DCHS1: variants seen among roughly 807,000 people sequenced by gnomAD.
The protein encoded by DCHS1 is protocadherin-16.
A neutral mutation model predicts 213.9 loss-of-function variants in DCHS1; 78 were observed. That is an observed-to-expected ratio of 0.36 (90% CI 0.30 to 0.44). The LOEUF is 0.44. Ranked by LOEUF, DCHS1 falls within the 20% of genes least tolerant of loss-of-function variation. The probability of loss-of-function intolerance (pLI) is 1.00; values close to 1 mark genes in which losing one functional copy is unlikely to be tolerated. For missense variants in DCHS1, 3,946 were observed against 4,395.9 expected (o/e 0.90, Z 2.89); for synonymous variants, 1,828 against 1,873.7 (o/e 0.98, Z 0.63).
chr11:6,634,187 G>A lies in DCHS1; in HGVS notation c.1917C>T (p.Cys639=). ...FRIDAHSGDV[C]TTRTLDRDQG... Reference sequence around the variant, plus strand: ...GGTCACGGTCCAGGGTCCGGGTTGTGCACACATCACCGCTGTGGGCATCAA... The same window carrying A: ...GGTCACGGTCCAGGGTCCGGGTTGTACACACATCACCGCTGTGGGCATCAA... The change falls in exon 3 of 21, where the codon TGC becomes TGT. Residue 639 remains cysteine, a synonymous_variant. Coordinates refer to ENST00000299441, the MANE Select transcript of DCHS1 (RefSeq NM_003737.4). 6.2e-7 allele frequency: 1 copy of A among 1,613,846 alleles called. No homozygotes were observed. The highest frequency in any genetic ancestry group is 1.3e-5 in the African/African-American group (1 of 75,036).
chr11:6,646,487 C>T (rs944951453), intron 1 of DCHS1, among the ~76,000 whole-genome samples: 1 of 152,174 alleles, frequency 6.6e-6, no homozygotes, highest in African/African-American at 2.4e-5. Context: ...GCTCCTCCTC[C>T]CTGCTCTTGT....
rs1855709221 is a variant in DCHS1, at chr11:6,622,329, G to A, written c.9347C>T (p.Ala3116Val). Residue 3116 changes from alanine to valine, a missense_variant, in exon 21 of 21, where the codon GCC (alanine) becomes GTC (valine). Ala to Val is a moderately conservative substitution (Grantham distance 64). This residue lies in a region of DCHS1 where 554 missense variants were observed against 590.2 expected (regional missense o/e 0.94). Coordinates refer to ENST00000299441, the MANE Select transcript of DCHS1 (RefSeq NM_003737.4). The surrounding 1 kb of genome is among the most constrained non-coding windows in gnomAD (Gnocchi z 5.4). ...LYREEGPPAT[A>V]TAFLGGCGLS... ...GCCACAGCCCCCCAGGAAGGCTGTG[G>A]CAGTGGCTGGGGGCCCCTCCTCTCT... The A allele has an allele frequency of 6.2e-7, 1 of 1,603,986 alleles. No individual in the cohort carries two copies. Among genetic ancestry groups the A allele is most frequent in the Middle Eastern group, 1.7e-4 (1 of 5,990 alleles).
At chr11:6,651,802 C>G (rs1050857091) in intron 1 of DCHS1, among the ~76,000 whole-genome samples, 5 of 152,106 alleles carry the variant, frequency 3.3e-5, no homozygotes, top group South Asian at 2.1e-4. Context: ...TTCTGGGATT[C>G]CAGCTTGCAA....
At chr11:6,637,607 G>A (rs1432557101) in intron 2 of DCHS1, among the ~76,000 whole-genome samples, 1 of 151,718 alleles carries the variant, frequency 6.6e-6, no homozygotes, top group Non-Finnish European at 1.5e-5. Flanking sequence ...CCACACCTCT[G>A]TGCACCTCAC....
rs752942096 is a variant in DCHS1, at chr11:6,626,967, G to A, written c.6072C>T (p.Arg2024=). 1 of 1,613,742 alleles carries A rather than the reference G, an allele frequency of 6.2e-7. No homozygotes were observed. Among genetic ancestry groups the A allele is most frequent in the South Asian group, 1.1e-5 (1 of 91,078 alleles). ...CTCGGGGGCCTAGAGCTACAGGAGA[G>A]CGGGCCACGCGGATTTCACCAGTGT... is the stretch of plus-strand genomic sequence containing the variant. ...DSYTGEIRVA[R]SPVALGPRDR... is the part of the protein sequence containing the mutation. The change falls in exon 14 of 21, where the codon CGC becomes CGT. Residue 2024 remains arginine, a synonymous_variant. Transcript: ENST00000299441. The surrounding 1 kb of genome is among the most constrained non-coding windows in gnomAD (Gnocchi z 5.2).
At position 6,626,106 on chromosome 11, in the gene DCHS1, C is replaced by A. The variant is rs1318208355; in HGVS notation, c.6577-32G>T. On this transcript the variant is annotated intron_variant, in intron 16 of 20. Transcript: ENST00000299441. This position sits in a 1 kb window ranked among gnomAD's most constrained non-coding sequence, Gnocchi z 5.2. ...AGGGTAGGAGGCTGCTGGGACTGGT[C>A]TGGCCACAGACAAGTCTGACTAGCC... The A allele has an allele frequency of 2.5e-6, 4 of 1,600,532 alleles. No homozygotes were observed. The African/African-American group carries it at 4.0e-5, about 16-fold the overall frequency.
In DCHS1 at chr11:6,640,136, A is replaced by G; in HGVS notation, c.1478T>C (p.Val493Ala). ...PEVALPGSFV[V>A]RVTARDPDQG... is the part of the protein sequence containing the mutation. ...GTCAGGATCCCGAGCAGTCACCCGC[A>G]CTACAAAGCTGCCAGGCAGCGCAAC... Residue 493 changes from valine (V) to alanine (A), a missense_variant, in exon 2 of 21, where the codon GTG becomes GCG. Val to Ala is a moderately conservative substitution (Grantham distance 64). This residue lies in a region of DCHS1 where 3,384 missense variants were observed against 3,780.1 expected (regional missense o/e 0.90). Transcript: ENST00000299441. The surrounding 1 kb of genome is among the most constrained non-coding windows in gnomAD (Gnocchi z 6.5). The G allele has an allele frequency of 6.2e-7, 1 of 1,613,750 alleles. No homozygotes were observed. The highest frequency in any genetic ancestry group is 1.3e-5 in the African/African-American group (1 of 75,066).
chr11:6,651,859 G>A (rs1856247048), intron 1 of DCHS1, among the ~76,000 whole-genome samples: 1 of 152,108 alleles, frequency 6.6e-6, no homozygotes, highest in Non-Finnish European at 1.5e-5. Flanking sequence ...GATGAGATCA[G>A]GTTTGCACAT....
rs773823269 is a variant in DCHS1 at position 6,640,682 on chromosome 11, G to A, written c.932C>T (p.Thr311Met). 22 of 1,613,300 alleles carry A rather than the reference G, an allele frequency of 1.4e-5. No individual in the cohort carries two copies. Among genetic ancestry groups the A allele is most frequent in the Middle Eastern group, 1.6e-4 (1 of 6,084 alleles). ...GDGPFSIDAH[T>M]GLLQLERPLD... ...TGGCCGCTCTAACTGCAGCAGCCCC[G>A]TGTGTGCGTCGATGGAGAAGGGTCC... is the stretch of plus-strand genomic sequence containing the variant. The change falls in exon 2 of 21, where the codon ACG becomes ATG. Residue 311 changes from threonine to methionine, a missense_variant. Thr to Met is a moderately conservative substitution (Grantham distance 81, BLOSUM62 -1). This residue lies in a region of DCHS1 where 3,384 missense variants were observed against 3,780.1 expected (regional missense o/e 0.90). Coordinates refer to ENST00000299441, the MANE Select transcript of DCHS1 (RefSeq NM_003737.4). The surrounding 1 kb of genome is among the most constrained non-coding windows in gnomAD (Gnocchi z 6.5).
At chr11:6,624,966 G>A (rs1181859764) in intron 19 of DCHS1, 98 bp from the exon 20 acceptor site, 18 of 1,534,792 alleles carry the variant, frequency 1.2e-5, no homozygotes, top group Middle Eastern at 2.0e-4. Flanking sequence ...CCTGCTTGGC[G>A]TCTATTCCAA....
At position 6,630,771 on chromosome 11, in the gene DCHS1, T is replaced by G. The variant is rs773703591; in HGVS notation, c.4023A>C (p.Ala1341=). ...GAGAGCCGGGCCGCAGTCCCTCAGC[T>G]GCTGTCACCGTCAGCACGACAGGCA... ...APVPVVLTVT[A]AEGLRPGSLL... is the part of the protein sequence containing the mutation. The change falls in exon 10 of 21, where the codon GCA becomes GCC. Residue 1341 remains alanine, a synonymous_variant. Coordinates refer to ENST00000299441, the MANE Select transcript of DCHS1 (RefSeq NM_003737.4). 5 of 1,547,276 alleles carry G rather than the reference T, an allele frequency of 3.2e-6. No homozygotes were observed. In the East Asian group the frequency reaches 7.3e-5, roughly 23 times the overall value.
Position 6,631,679 on chromosome 11 carries a change from G to C in DCHS1, c.3612C>G (p.Leu1204=). 1 of 1,609,072 alleles carries C rather than the reference G, an allele frequency of 6.2e-7. No individual in the cohort carries two copies. The highest frequency in any genetic ancestry group is 8.5e-7 in the Non-Finnish European group (1 of 1,177,544). Residue 1204 remains leucine, a synonymous_variant, in exon 7 of 21, where the codon CTC becomes CTG. Coordinates refer to ENST00000299441, the MANE Select transcript of DCHS1 (RefSeq NM_003737.4). The part of the protein sequence containing the change: ...TGTVHVAVLD[L]NDNSPTFLQA... ...GCAGGAACGTGGGGCTGTTGTCGTTGAGGTCAAGCACTGCAACATGCACAG... is the reference window on the plus strand; with the variant it reads ...GCAGGAACGTGGGGCTGTTGTCGTTCAGGTCAAGCACTGCAACATGCACAG...
intron 1 of DCHS1, among the ~76,000 whole-genome samples, chr11:6,655,018 T>A (rs569419276): frequency 4.6e-5 from 7 of 152,238 alleles, no homozygotes; most frequent in African/African-American, 1.7e-4. Context: ...CTTCAGGCTG[T>A]GCCTGCCTCT....
In DCHS1 at chr11:6,632,559, G is replaced by A. The variant is rs138631004; in HGVS notation, c.2953C>T (p.Arg985Trp). 1,821 of 1,518,608 alleles carry A rather than the reference G, an allele frequency of 1.2e-3. 9 individuals are homozygous for A. In the African/African-American group the frequency reaches 0.02, roughly 17 times the overall value. 94.1% of individuals were successfully genotyped at this position (1,518,608 alleles called of 1,614,324 possible). Residue 985 changes from arginine to tryptophan, a missense_variant, in exon 6 of 21, where the codon CGG becomes TGG. By Grantham distance (101) the Arg-to-Trp change is moderately radical. Around this residue, in one of 3 missense-constraint regions of DCHS1, gnomAD observed 3,384 missense variants for 3,780.1 expected, o/e 0.90. Transcript: ENST00000299441. The surrounding 1 kb of genome is among the most constrained non-coding windows in gnomAD (Gnocchi z 5.9). ...SPPRTSHFRL[R>W]VVVQDVGTRG... ...GTTCCCACATCCTGTACCACCACCC[G>A]TAGTCGAAAGTGGCTGGTGCGTGGT... is the stretch of plus-strand genomic sequence containing the variant.
Position 6,623,838 on chromosome 11 carries a change from T to C in DCHS1, c.7838A>G (p.Glu2613Gly). The part of the protein sequence containing the change: ...TRASYRVTVP[E>G]DTPVGAELLH... ...CAGCTCAGCTCCAACAGGTGTGTCC[T>C]CAGGTACTGTCACACGGTAGGATGC... The change falls in exon 21 of 21, where the codon GAG becomes GGG. Residue 2613 changes from glutamate (E) to glycine (G), a missense_variant. By Grantham distance (98) the Glu-to-Gly change is moderately conservative. Transcript: ENST00000299441. The C allele has an allele frequency of 1.2e-6, 2 of 1,612,792 alleles. No individual in the cohort carries two copies. The highest frequency in any genetic ancestry group is 1.7e-6 in the Non-Finnish European group (2 of 1,178,898).
Position 6,655,625 on chromosome 11 carries a change from CG to C in DCHS1, c.-184del. On this transcript the variant is annotated 5_prime_UTR_variant, in exon 1 of 21. It removes the in-frame stop codon of an upstream open reading frame in the 5' UTR. Coordinates refer to ENST00000299441, the MANE Select transcript of DCHS1 (RefSeq NM_003737.4). ...CGCCGTCCGGCCGCGGTCAGCCCCC[CG>C]GGCAGCGCCCGCTCGCGCGGGGCCT... is the stretch of plus-strand genomic sequence containing the variant. The C allele has an allele frequency of 1.0e-6, 1 of 978,854 alleles. No individual in the cohort carries two copies. Among genetic ancestry groups the C allele is most frequent in the Non-Finnish European group, 1.2e-6 (1 of 826,848 alleles). The allele number at this position is 978,854 out of a possible 1,614,324, so 60.6% of individuals were successfully genotyped here.
At position 6,624,064 on chromosome 11, in the gene DCHS1, C is replaced by T; in HGVS notation, c.7612G>A (p.Ala2538Thr). 1 of 1,613,154 alleles carries T rather than the reference C, an allele frequency of 6.2e-7. No individual in the cohort carries two copies. The highest frequency in any genetic ancestry group is 8.5e-7 in the Non-Finnish European group (1 of 1,179,662). Residue 2538 changes from alanine (A) to threonine (T), a missense_variant, in exon 21 of 21, where the codon GCT becomes ACT. This residue lies in a region of DCHS1 where 3,384 missense variants were observed against 3,780.1 expected (regional missense o/e 0.90). Coordinates refer to ENST00000299441, the MANE Select transcript of DCHS1 (RefSeq NM_003737.4). ...GGTCCAGCACTCTCCCCAGCCTCAG[C>T]CAGCCTGGGTTCCAGCTGGAAGACT... ...GRVFQLEPRL[A>T]EAGESAGPGP...
rs1855888627 is a variant in DCHS1, at chr11:6,630,538, A to C, written c.4256T>G (p.Leu1419Arg). The C allele has an allele frequency of 6.5e-7, 1 of 1,532,168 alleles. No individual in the cohort carries two copies. The allele number at this position is 1,532,168 out of a possible 1,614,324, so 94.9% of individuals were successfully genotyped here. The part of the protein sequence containing the change: ...AEGPGGAGAR[L>R]LRVQVQVQDE... Reference sequence around the variant, plus strand: ...CTGCACTTGCACCTGCACTCGCAGCAGCCGCGCGCCCGCGCCTCCCGGCCC... The same window carrying C: ...CTGCACTTGCACCTGCACTCGCAGCCGCCGCGCGCCCGCGCCTCCCGGCCC... Residue 1419 changes from leucine to arginine, a missense_variant, in exon 10 of 21, where the codon CTG becomes CGG. Leu to Arg is a moderately radical substitution (Grantham distance 102, BLOSUM62 -2). Transcript: ENST00000299441.
intron 1 of DCHS1, among the ~76,000 whole-genome samples, chr11:6,647,602 G>A (rs1856182523): frequency 1.3e-5 from 2 of 152,212 alleles, no homozygotes; most frequent in Admixed American, 1.3e-4. Flanking sequence ...CTCACAGACA[G>A]TATCTCATTT....
Sources: allele counts gnomAD v4.1 joint callset (sites outside exome capture counted in the v4.1 genomes callset), GRCh38; gene constraint gnomAD v4.1.1; regional missense constraint gnomAD v4.1.1; non-coding constraint Gnocchi (gnomAD v3.1); transcripts MANE v1.5; gene names NCBI Gene and HGNC (gene_info 2026-07-23, HGNC 2026-07-21).